Variants in VWF observed in about 807,000 individuals in gnomAD.
The protein encoded by VWF is von Willebrand factor.
A neutral mutation model predicts 308.6 loss-of-function variants in VWF; 176 were observed. The ratio of observed to expected loss-of-function variants is 0.57; its 90% confidence interval spans 0.50 to 0.65. The LOEUF (loss-of-function observed/expected upper bound fraction) is 0.65, where lower values mean the gene tolerates loss of function less well. Ranked by LOEUF, VWF falls within the 30% of genes least tolerant of loss-of-function variation. The pLI, the probability that VWF is intolerant of heterozygous loss-of-function variation, is 0.00. For missense variants in VWF, 3,146 were observed against 3,648.2 expected (o/e 0.86, Z 3.55); for synonymous variants, 1,385 against 1,443.4 (o/e 0.96, Z 0.92).
At chr12:6,074,836 C>T (rs1022326033) in intron 7 of VWF, among the ~76,000 whole-genome samples, 6 of 152,128 alleles carry the variant, frequency 3.9e-5, no homozygotes, top group African/African-American at 1.4e-4. Flanking sequence ...ACACACAGCA[C>T]GAGTAAGGCA....
chr12:6,080,137 A>T (rs969046229), intron 6 of VWF, among the ~76,000 whole-genome samples: 6 of 152,126 alleles, frequency 3.9e-5, no homozygotes, highest in African/African-American at 1.4e-4. Flanking sequence ...GTGTTCTCAC[A>T]GCCCTCTGGG....
chr12:6,062,847 G>A (rs939307103), intron 13 of VWF, 107 bp downstream of exon 13: 1 of 906,100 alleles, frequency 1.1e-6, no homozygotes, highest in Non-Finnish European at 1.7e-6. Context: ...AGGCCATGAG[G>A]AGAAAGGAAT....
In VWF at chr12:6,071,152, C is replaced by T. The variant is rs565975645; in HGVS notation, c.1156+145G>A. 183 of 868,544 alleles carry T rather than the reference C, an allele frequency of 2.1e-4. No homozygotes were observed. In the African/African-American group the frequency reaches 2.9e-3, roughly 14 times the overall value. The allele number at this position is 868,544 out of a possible 1,614,324, so 53.8% of individuals were successfully genotyped here. A position where few individuals can be genotyped will look rare whatever the true frequency, so the allele number is the denominator to read the frequency against. On this transcript the variant is annotated intron_variant, in intron 10 of 51. Transcript: ENST00000261405. ...GCATAGCTGGTACCTGAAACCAGAG[C>T]TGGGGTCACGTGGTTGCAGCCAACC... is the stretch of plus-strand genomic sequence containing the variant.
intron 43 of VWF, among the ~76,000 whole-genome samples, chr12:5,974,769 C>T (rs1185529083): frequency 1.3e-5 from 2 of 152,152 alleles, no homozygotes; most frequent in Non-Finnish European, 2.9e-5. Flanking sequence ...ACAGAAATAC[C>T]GGCTCTTAGG....
intron 22 of VWF, 51 bp from the exon 23 acceptor site, chr12:6,026,097 T>G (rs756319593): frequency 1.2e-6 from 2 of 1,612,988 alleles, no homozygotes; most frequent in South Asian, 2.2e-5. Flanking sequence ...GAGCATGCTC[T>G]CCGGCTCAGG....
At chr12:6,054,321 T>G (rs1384029536) in intron 15 of VWF, among the ~76,000 whole-genome samples, 1 of 152,200 alleles carries the variant, frequency 6.6e-6, no homozygotes, top group Non-Finnish European at 1.5e-5. Context: ...GATTATTGGA[T>G]GAATACTGAG....
In VWF at chr12:5,967,513, C is replaced by T. The variant is rs1205897738; in HGVS notation, c.7860G>A (p.Arg2620=). 8.1e-6 allele frequency: 13 copies of T among 1,614,156 alleles called. No homozygotes were observed. The highest frequency in any genetic ancestry group is 1.1e-5 in the Non-Finnish European group (13 of 1,180,040). ...GGGGGCAGGGGTTGCAGGTGGTCTT[C>T]CTGCACTCCAGCTTGAATCCAGAGA... ...GVISGFKLEC[R]KTTCNPCPLG... The change falls in exon 47 of 52, where the codon AGG becomes AGA. Residue 2620 remains arginine (R), a synonymous_variant. Coordinates refer to ENST00000261405, the MANE Select transcript of VWF (RefSeq NM_000552.5).
chr12:6,079,604 T>A (rs574044837), intron 6 of VWF, among the ~76,000 whole-genome samples: 1 of 146,512 alleles, frequency 6.8e-6, no homozygotes, highest in Non-Finnish European at 1.5e-5. Context: ...AGTGAGACTC[T>A]GTCTCGAAAA....
chr12:5,980,132 AAGGAAGAAAG>A (rs1943584925), intron 42 of VWF, among the ~76,000 whole-genome samples: 2 of 112,566 alleles, frequency 1.8e-5, no homozygotes, highest in South Asian at 3.7e-4. Context: ...GGAAGGAAGG[AAGGAAGAAAG>A]GAGTGAGGGA....
chr12:5,983,541 A>C (rs1943635219), intron 40 of VWF, among the ~76,000 whole-genome samples: 1 of 152,116 alleles, frequency 6.6e-6, no homozygotes, highest in African/African-American at 2.4e-5. Flanking sequence ...AGATAGATAG[A>C]TGGATGATAG....
chr12:6,055,759 TATACACACACACAC>T (rs1430541626), intron 15 of VWF, among the ~76,000 whole-genome samples: 2 of 66,312 alleles, frequency 3.0e-5, no homozygotes, highest in East Asian at 2.6e-4. Context: ...TATATATATG[TATACACACACACAC>T]ACACACACAC....
chr12:6,057,480 T>TTTATTTATTTA (rs113015394), intron 14 of VWF, among the ~76,000 whole-genome samples: 1 of 129,576 alleles, frequency 7.7e-6, no homozygotes, highest in Non-Finnish European at 1.6e-5. Flanking sequence ...GCCCGGCAAA[T>TTTATTTATTTA]TTATTATTAT....
At chr12:5,976,332 A>G (rs549358712) in intron 42 of VWF, 72 bp from the exon 43 acceptor site, 2 of 1,598,326 alleles carry the variant, frequency 1.3e-6, no homozygotes, top group African/African-American at 2.7e-5. Flanking sequence ...CACCTACTAC[A>G]CAGAAGCCGC....
At chr12:6,119,997 T>C (rs535553164) in intron 3 of VWF, among the ~76,000 whole-genome samples, 5 of 152,246 alleles carry the variant, frequency 3.3e-5, no homozygotes, top group Middle Eastern at 3.4e-3. Flanking sequence ...TCATATGTGA[T>C]AAGTTTCCCA....
Position 6,019,366 on chromosome 12 carries a change from C to G in VWF, c.4052G>C (p.Gly1351Ala). ...CTCGCTGGTGGAGGCCACCTGGCTG[C>G]CCGCATACTTCACCTGGCTGGCAAT... Reference protein sequence around the residue: ...RRIASQVKYAGSQVASTSEVL... With the variant: ...RRIASQVKYAASQVASTSEVL... Residue 1351 changes from glycine (G) to alanine (A), a missense_variant, in exon 28 of 52, where the codon GGC (glycine) becomes GCC (alanine). Transcript: ENST00000261405. This position sits in a 1 kb window ranked among gnomAD's most constrained non-coding sequence, Gnocchi z 5.8. 1 of 1,613,938 alleles carries G rather than the reference C, an allele frequency of 6.2e-7. No individual in the cohort carries two copies. The highest frequency in any genetic ancestry group is 8.5e-7 in the Non-Finnish European group (1 of 1,179,858).
At chr12:6,116,336 T>C (rs1003941838) in intron 3 of VWF, among the ~76,000 whole-genome samples, 2 of 152,234 alleles carry the variant, frequency 1.3e-5, no homozygotes, top group African/African-American at 2.4e-5. Flanking sequence ...AGAGGAATCC[T>C]GGGACCTTCA....
chr12:6,027,057 A>G (rs11063996), intron 22 of VWF, among the ~76,000 whole-genome samples: 42,902 of 152,114 alleles, frequency 0.28, 6,818 homozygotes, highest in African/African-American at 0.42. Context: ...AGCTGCATTC[A>G]GCTTGGTACA....
At chr12:6,116,842 G>A (rs1945372466) in intron 3 of VWF, among the ~76,000 whole-genome samples, 1 of 152,210 alleles carries the variant, frequency 6.6e-6, no homozygotes, top group African/African-American at 2.4e-5. Context: ...CAGGCACTCG[G>A]GAGGAATGTG....
intron 6 of VWF, among the ~76,000 whole-genome samples, chr12:6,086,838 G>T (rs1944978276): frequency 1.3e-5 from 2 of 152,206 alleles, no homozygotes; most frequent in Admixed American, 6.5e-5. Context: ...AACGGAATGG[G>T]TATTTTCTGT....
Sources: allele counts gnomAD v4.1 joint callset (sites outside exome capture counted in the v4.1 genomes callset), GRCh38; gene constraint gnomAD v4.1.1; non-coding constraint Gnocchi (gnomAD v3.1); transcripts MANE v1.5; gene names NCBI Gene and HGNC (gene_info 2026-07-23, HGNC 2026-07-21).